GGA2: variants seen among roughly 807,000 people sequenced by gnomAD.
GGA2 encodes ADP-ribosylation factor-binding protein GGA2.
GGA2 carries 48 observed loss-of-function variants against 79.5 expected under a neutral mutation model. The ratio of observed to expected loss-of-function variants is 0.60; its 90% CI spans 0.48 to 0.77. The LOEUF (loss-of-function observed/expected upper bound fraction) is 0.77, where lower values mean the gene tolerates loss of function less well. Ranked by LOEUF, GGA2 falls within the 30% of genes least tolerant of loss-of-function variation. The pLI is 0.00. For missense variants in GGA2, 770 were observed against 774.0 expected (o/e 0.99, Z 0.06); for synonymous variants, 317 against 302.0 (o/e 1.05, Z -0.51).
At chr16:23,515,586 AAAAAAAATTAAAATT>A (rs1240096131) in intron 2 of GGA2, among the ~76,000 whole-genome samples, 5 of 151,320 alleles carry the variant, frequency 3.3e-5, no homozygotes. Context: ...AAAAAAAAAA[AAAAAAAATTAAAATT>A]AAAAATAAAT....
chr16:23,505,015 AGCC>A (rs1431109385), intron 1 of GGA2, among the ~76,000 whole-genome samples: 1 of 152,290 alleles, frequency 6.6e-6, no homozygotes, highest in East Asian at 1.9e-4. Flanking sequence ...TGGCACCAGC[AGCC>A]GCCTGTGCTA....
rs2142109358 is a variant in GGA2, at chr16:23,466,673, G to A, written c.*917C>T. On this transcript the variant is annotated 3_prime_UTR_variant, in exon 17 of 17. Coordinates refer to ENST00000309859, the MANE Select transcript of GGA2 (RefSeq NM_015044.4). ...TGCTAAGCTCTCTTCATGTCTATCT[G>A]TACCACAGTTTCCCATCTTAGACTG... The A allele has an allele frequency of 6.8e-6, 1 of 146,032 alleles. No homozygotes were observed. Among genetic ancestry groups the A allele is most frequent in the African/African-American group, 2.6e-5 (1 of 39,186 alleles). The allele number at this position is 146,032 out of a possible 1,614,324, so 9.0% of individuals were successfully genotyped here. A position where few individuals can be genotyped will look rare whatever the true frequency, so the allele number is the denominator to read the frequency against.
Position 23,478,418 on chromosome 16 carries a change from T to C in GGA2, c.1242A>G (p.Ala414=). 6.2e-7 allele frequency: 1 copy of C among 1,611,614 alleles called. No homozygotes were observed. ...AGAGGAGGTCCAGCAAATTCCTGTC[T>C]GCAGAAGGGTTCTGAACACCACCGC... ...LPGGGVQNPS[A]DRNLLDLLSA... The change falls in exon 13 of 17, where the codon GCA becomes GCG. Residue 414 remains alanine (A), a synonymous_variant. Coordinates refer to ENST00000309859, the MANE Select transcript of GGA2 (RefSeq NM_015044.4).
intron 4 of GGA2, among the ~76,000 whole-genome samples, chr16:23,492,283 C>G (rs1175058124): frequency 6.6e-6 from 1 of 152,150 alleles, no homozygotes; most frequent in East Asian, 1.9e-4. Context: ...ACCTTGTGAT[C>G]AGAGGGCTGA....
intron 1 of GGA2, among the ~76,000 whole-genome samples, chr16:23,507,181 G>C (rs1443464378): frequency 1.3e-5 from 2 of 152,018 alleles, no homozygotes; most frequent in East Asian, 3.9e-4. Context: ...CAAATTATGG[G>C]CCAAAGTAGG....
intron 1 of GGA2, among the ~76,000 whole-genome samples, chr16:23,520,704 C>G (rs1258650311): frequency 1.3e-5 from 2 of 150,350 alleles, no homozygotes; most frequent in Admixed American, 6.6e-5. Context: ...AACCCTCAAA[C>G]AGAAGACAGA....
rs753569684 is a variant in GGA2 at position 23,486,761 on chromosome 16, G to T, written c.609C>A (p.His203Gln). The T allele has an allele frequency of 1.2e-5, 20 of 1,612,084 alleles. No homozygotes were observed. The Admixed American group carries it at 1.3e-4, about 11-fold the overall frequency. ...KLLTRLLKSN[H>Q]PEDLQAANRL... ...GGTTTGCAGCCTGAAGGTCCTCGGGGTGGTTGCTCTTTAGAAGCCTTGTCA... is the reference window on the plus strand; with the variant it reads ...GGTTTGCAGCCTGAAGGTCCTCGGGTTGGTTGCTCTTTAGAAGCCTTGTCA... Residue 203 changes from histidine to glutamine, a missense_variant, in exon 7 of 17, where the codon CAC becomes CAA. By Grantham distance (24) the His-to-Gln change is conservative. Transcript: ENST00000309859.
intron 1 of GGA2, among the ~76,000 whole-genome samples, chr16:23,520,681 T>A (rs1006672213): frequency 6.6e-6 from 1 of 151,194 alleles, no homozygotes; most frequent in Non-Finnish European, 1.5e-5. Flanking sequence ...AAAGTCTTAC[T>A]GATCCTGAGC....
chr16:23,494,393 A>T lies in GGA2; in HGVS notation c.177-15T>A. On this transcript the variant is annotated splice_polypyrimidine_tract_variant and intron_variant, in intron 2 of 16. Coordinates refer to ENST00000309859, the MANE Select transcript of GGA2 (RefSeq NM_015044.4). ...CATGTGTGGGGCTACAGGGAAACAA[A>T]AAGACCTAGACTCTGGGCGGGCAAA... 2 of 1,571,334 alleles carry T rather than the reference A, an allele frequency of 1.3e-6. No homozygotes were observed. The highest frequency in any genetic ancestry group is 1.8e-6 in the Non-Finnish European group (2 of 1,140,910).
upstream of GGA2, chr16:23,510,521 G>A (rs1326051170): frequency 2.2e-5 from 9 of 418,350 alleles, no homozygotes; most frequent in Non-Finnish European, 3.6e-5. Context: ...ACACGTGACG[G>A]GGCGGGGCCG....
At chr16:23,482,446 T>C (rs1306530489) in intron 9 of GGA2, among the ~76,000 whole-genome samples, 2 of 152,180 alleles carry the variant, frequency 1.3e-5, no homozygotes, top group African/African-American at 4.8e-5. Flanking sequence ...TTTCGAGATT[T>C]TCCACAATAA....
rs749688834 is a variant in GGA2 at position 23,472,184 on chromosome 16, GTTTTTTTT to G, written c.1451-2027_1451-2020del. On this transcript the variant is annotated intron_variant, in intron 14 of 16. Transcript: ENST00000309859. ...TCCAAAGATGTTCTTTGTAGCCCTGGTTTTTTTTTTTTTTTTTTTTTTTTTTTTAGACA... is the reference window on the plus strand; with the variant it reads ...TCCAAAGATGTTCTTTGTAGCCCTGGTTTTTTTTTTTTTTTTTTTTAGACA... 1.8e-4 allele frequency among the ~76,000 whole-genome samples: 10 copies of G among 54,864 alleles called. No individual in the cohort carries two copies. In the East Asian group the frequency reaches 3.7e-3, roughly 20 times the overall value. 36.0% of individuals were successfully genotyped at this position (54,864 alleles called of 152,430 possible). A position where few individuals can be genotyped will look rare whatever the true frequency, so the allele number is the denominator to read the frequency against.
intron 13 of GGA2, 140 bp downstream of exon 13, chr16:23,478,225 CAAA>C (rs111229895): frequency 2.6e-4 from 122 of 469,984 alleles, no homozygotes; most frequent in Middle Eastern, 6.1e-4. Flanking sequence ...GAAAAAAAGA[CAAA>C]AAAAAAAAAA....
At chr16:23,513,758 C>T (rs371343305), upstream of GGA2, among the ~76,000 whole-genome samples, 1 of 141,184 alleles carries the variant, frequency 7.1e-6, no homozygotes, top group African/African-American at 2.7e-5. Context: ...GCACTCCAGC[C>T]TGGGCACGGA....
intron 13 of GGA2, among the ~76,000 whole-genome samples, chr16:23,477,127 T>A (rs1567360153): frequency 6.6e-6 from 1 of 152,136 alleles, no homozygotes; most frequent in East Asian, 1.9e-4. Flanking sequence ...AATTTTAGTA[T>A]TTTTTGTAGA....
At chr16:23,519,972 C>T (rs760244794) in intron 1 of GGA2, among the ~76,000 whole-genome samples, 3 of 152,218 alleles carry the variant, frequency 2.0e-5, no homozygotes, top group African/African-American at 7.2e-5. Flanking sequence ...TGTTGCCAGG[C>T]GTGGTGGCTC....
intron 1 of GGA2, among the ~76,000 whole-genome samples, chr16:23,499,652 C>G (rs1191698463): frequency 6.6e-6 from 1 of 151,850 alleles, no homozygotes; most frequent in African/African-American, 2.4e-5. Context: ...CGAGTAGGGA[C>G]GGGGTTTCAC....
chr16:23,480,179 G>A (rs1415560857), intron 10 of GGA2: 2 of 402,190 alleles, frequency 5.0e-6, no homozygotes, highest in East Asian at 5.3e-5. Flanking sequence ...GCCATTCTGA[G>A]GCTTCTGACC....
chr16:23,470,043 C>T lies in GGA2; in HGVS notation c.1573G>A (p.Ala525Thr). The T allele has an allele frequency of 1.2e-6, 2 of 1,600,798 alleles. No homozygotes were observed. Among genetic ancestry groups the T allele is most frequent in the Non-Finnish European group, 1.7e-6 (2 of 1,173,788 alleles). ...ATGATATCCCAGACAGGCTGGGGAGCCGTGCTCATCATGGTCAAGAGCAGC... is the reference window on the plus strand; with the variant it reads ...ATGATATCCCAGACAGGCTGGGGAGTCGTGCTCATCATGGTCAAGAGCAGC... ...QVLLLTMMST[A>T]PQPVWDIMFQ... is the part of the protein sequence containing the mutation. Residue 525 changes from alanine (A) to threonine (T), a missense_variant, in exon 15 of 17, where the codon GCT becomes ACT. By Grantham distance (58) the Ala-to-Thr change is moderately conservative. Transcript: ENST00000309859.
Sources: allele counts gnomAD v4.1 joint callset (sites outside exome capture counted in the v4.1 genomes callset), GRCh38; gene constraint gnomAD v4.1.1; transcripts MANE v1.5; gene names NCBI Gene and HGNC (gene_info 2026-07-23, HGNC 2026-07-21).